The following CYP20A1 variants were observed in gnomAD, a reference collection of about 807,000 sequenced individuals.
CYP20A1 encodes the protein cytochrome P450 20A1.
CYP20A1 carries 61 observed loss-of-function variants against 61.4 expected under a neutral mutation model. The ratio of observed to expected loss-of-function variants is 0.99; its 90% CI spans 0.81 to 1.23. The LOEUF (loss-of-function observed/expected upper bound fraction) is 1.23, where lower values mean the gene tolerates loss of function less well. Ranked by LOEUF, CYP20A1 falls within the 50% of genes most tolerant of loss-of-function variation. The probability of loss-of-function intolerance (pLI) is 0.00; values close to 1 mark genes in which losing one functional copy is unlikely to be tolerated. For missense variants in CYP20A1, 530 were observed against 542.4 expected, an observed-to-expected ratio of 0.98 and a Z score of 0.23; for synonymous variants, 193 against 188.2, an observed-to-expected ratio of 1.03 and a Z score of -0.21.
chr2:203,258,664 A>C (rs2067013119), intron 4 of CYP20A1, among the ~76,000 whole-genome samples: 1 of 152,202 alleles, frequency 6.6e-6, no homozygotes, highest in Non-Finnish European at 1.5e-5. Flanking sequence ...GGCTATCAGG[A>C]GGCTTGTGCA....
chr2:203,240,143 G>A (rs1344884620), intron 1 of CYP20A1, among the ~76,000 whole-genome samples: 3 of 152,132 alleles, frequency 2.0e-5, no homozygotes, highest in South Asian at 4.1e-4. Context: ...ACAAAGCAAG[G>A]TGGTGGTTTT....
intron 9 of CYP20A1, among the ~76,000 whole-genome samples, chr2:203,287,895 A>G (rs1448458914): frequency 6.6e-6 from 1 of 150,742 alleles, no homozygotes; most frequent in Non-Finnish European, 1.5e-5. Flanking sequence ...ACTCCTCTGT[A>G]TAGATTCTCT....
rs1352937752 is a variant in CYP20A1, at chr2:203,301,216, C to T, written c.*4308C>T. Among the ~76,000 whole-genome samples the T allele has an allele frequency of 5.4e-5, 8 of 148,886 alleles. No individual in the cohort carries two copies. Among genetic ancestry groups the T allele is most frequent in the Middle Eastern group, 3.5e-3 (1 of 288 alleles). On this transcript the variant is annotated 3_prime_UTR_variant, in exon 13 of 13. Coordinates refer to ENST00000356079, the MANE Select transcript of CYP20A1 (RefSeq NM_177538.3). ...TATCCAAAAAAAAAAAAAAACCATACGTACATAACTTTTTTTCTTTTTCTT... is the reference window on the plus strand; with the variant it reads ...TATCCAAAAAAAAAAAAAAACCATATGTACATAACTTTTTTTCTTTTTCTT...
At chr2:203,273,629 C>T (rs1186259363) in intron 6 of CYP20A1, among the ~76,000 whole-genome samples, 1 of 151,944 alleles carries the variant, frequency 6.6e-6, no homozygotes, top group Non-Finnish European at 1.5e-5. Context: ...GTGAGAGACC[C>T]CATCTCAAAA....
At chr2:203,294,469 G>A (rs748576028) in intron 11 of CYP20A1, among the ~76,000 whole-genome samples, 44 of 151,766 alleles carry the variant, frequency 2.9e-4, no homozygotes, top group Admixed American at 7.2e-4. Flanking sequence ...GCAGTGAGCC[G>A]AGGTCATGTC....
At position 203,299,806 on chromosome 2, in the gene CYP20A1, A is replaced by G. The variant is rs1575292350; in HGVS notation, c.*2898A>G. On this transcript the variant is annotated 3_prime_UTR_variant, in exon 13 of 13. Coordinates refer to ENST00000356079, the MANE Select transcript of CYP20A1 (RefSeq NM_177538.3). ...GGAGAACTGCTTGAACCTGGGAGGCAGAGGTTGCGGTGAGCCAAGATCGCG... is the reference window on the plus strand; with the variant it reads ...GGAGAACTGCTTGAACCTGGGAGGCGGAGGTTGCGGTGAGCCAAGATCGCG... Among the ~76,000 whole-genome samples, 3 of 152,206 alleles carry G rather than the reference A, an allele frequency of 2.0e-5. No individual in the cohort carries two copies. Among genetic ancestry groups the G allele is most frequent in the Middle Eastern group, 6.8e-3 (2 of 294 alleles).
At position 203,277,290 on chromosome 2, in the gene CYP20A1, G is replaced by A. The variant is rs1418869088; in HGVS notation, c.680-1283G>A. 2.6e-5 allele frequency among the ~76,000 whole-genome samples: 4 copies of A among 151,744 alleles called. No individual in the cohort carries two copies. In the East Asian group the frequency reaches 7.8e-4, roughly 30 times the overall value. ...TTGAACCCGGGAGGTGGAGGTTGCA[G>A]TAAGCTGAGATTGCGCCACTGCACC... On this transcript the variant is annotated intron_variant, in intron 6 of 12. Transcript: ENST00000356079.
intron 4 of CYP20A1, among the ~76,000 whole-genome samples, chr2:203,265,543 TCTTTA>T (rs1322963211): frequency 6.6e-6 from 1 of 152,216 alleles, no homozygotes; most frequent in Non-Finnish European, 1.5e-5. Flanking sequence ...CTTTCAGAGC[TCTTTA>T]CTTTCTGTGT....
intron 4 of CYP20A1, among the ~76,000 whole-genome samples, chr2:203,253,623 C>G (rs1559088301): frequency 6.6e-6 from 1 of 152,160 alleles, no homozygotes; most frequent in Non-Finnish European, 1.5e-5. Flanking sequence ...GTTAATCATA[C>G]AGTGACAGGT....
rs774453740 is a variant in CYP20A1 at position 203,239,037 on chromosome 2, G to A, written c.-26G>A. 1 of 1,610,238 alleles carries A rather than the reference G, an allele frequency of 6.2e-7. No homozygotes were observed. Among genetic ancestry groups the A allele is most frequent in the South Asian group, 1.1e-5 (1 of 91,028 alleles). On this transcript the variant is annotated 5_prime_UTR_variant, in exon 1 of 13. Transcript: ENST00000356079. ...GCTGCTGCTGGAGCGGCCGATCCGA[G>A]ACGTGGCTCCCTGGGCGGCAGAACC...
intron 9 of CYP20A1, among the ~76,000 whole-genome samples, chr2:203,287,691 A>G (rs1055312586): frequency 2.9e-5 from 4 of 137,492 alleles, no homozygotes; most frequent in African/African-American, 1.1e-4. Flanking sequence ...CAACAGAGCA[A>G]GAACCTATCT....
intron 6 of CYP20A1, among the ~76,000 whole-genome samples, chr2:203,277,360 A>AAAAGG (rs764713941): frequency 8.9e-6 from 1 of 112,568 alleles, no homozygotes; most frequent in Non-Finnish European, 2.0e-5. Flanking sequence ...AAAAAAAAAG[A>AAAAGG]AAAAGAAAAA....
chr2:203,267,797 T>C (rs768823096), intron 5 of CYP20A1, among the ~76,000 whole-genome samples: 4 of 149,438 alleles, frequency 2.7e-5, no homozygotes, highest in Non-Finnish European at 4.4e-5. Context: ...GAGCTGAGAT[T>C]GCACCACTGG....
intron 1 of CYP20A1, among the ~76,000 whole-genome samples, chr2:203,244,561 AT>A (rs76683602): frequency 2.3e-3 from 335 of 143,164 alleles, no homozygotes; most frequent in Admixed American, 3.6e-3. Flanking sequence ...ATGGACCTTG[AT>A]TTTTTTTTTT....
intron 4 of CYP20A1, among the ~76,000 whole-genome samples, chr2:203,252,370 ATG>A (rs904989119): frequency 6.6e-4 from 21 of 31,834 alleles, no homozygotes; most frequent in African/African-American, 1.1e-3. Context: ...GTATGTATGT[ATG>A]TGTATATATA....
At chr2:203,290,665 C>CA (rs1426933538) in intron 10 of CYP20A1, among the ~76,000 whole-genome samples, 1 of 152,014 alleles carries the variant, frequency 6.6e-6, no homozygotes, top group Non-Finnish European at 1.5e-5. Context: ...TTTTTTGAGA[C>CA]AGAGTATCAC....
At position 203,278,608 on chromosome 2, in the gene CYP20A1, A is replaced by G. The variant is rs777179607; in HGVS notation, c.715A>G (p.Ile239Val). 9.3e-6 allele frequency: 15 copies of G among 1,606,340 alleles called. No individual in the cohort carries two copies. The highest frequency in any genetic ancestry group is 1.2e-5 in the Non-Finnish European group (14 of 1,176,606). ...MQLESVLRNI[I>V]KERKGRNFSQ... is the part of the protein sequence containing the mutation. ...ACTGGAGTCTGTTTTAAGGAACATC[A>G]TAAAAGAACGAAAAGGAAGGAACTT... The change falls in exon 7 of 13, where the codon ATA (isoleucine) becomes GTA (valine). Residue 239 changes from isoleucine to valine, a missense_variant. Coordinates refer to ENST00000356079, the MANE Select transcript of CYP20A1 (RefSeq NM_177538.3).
chr2:203,259,149 C>G (rs1377080391), intron 4 of CYP20A1, among the ~76,000 whole-genome samples: 1 of 152,162 alleles, frequency 6.6e-6, no homozygotes, highest in Non-Finnish European at 1.5e-5. Flanking sequence ...TCTCCTCCTA[C>G]TCATTCAGAG....
intron 6 of CYP20A1, among the ~76,000 whole-genome samples, chr2:203,275,730 G>A (rs1485155651): frequency 1.3e-5 from 2 of 152,150 alleles, no homozygotes; most frequent in Non-Finnish European, 2.9e-5. Flanking sequence ...GTGAGCCACC[G>A]TGCCTGGGAA....
Sources: gnomAD v4.1 joint callset for allele counts (sites outside exome capture counted in the v4.1 genomes callset) on GRCh38, gnomAD v4.1.1 for gene constraint, MANE v1.5 for transcripts, NCBI Gene and HGNC (gene_info 2026-07-23, HGNC 2026-07-21) for gene names.